REPS1: variants seen among roughly 807,000 people sequenced by gnomAD.
REPS1 encodes ralBP1-associated Eps domain-containing protein 1.
A neutral mutation model predicts 100.9 loss-of-function variants in REPS1; 39 were observed. The ratio of observed to expected loss-of-function variants is 0.39; its 90% confidence interval spans 0.30 to 0.50. The LOEUF is 0.50. Ranked by LOEUF, REPS1 falls within the 20% of genes least tolerant of loss-of-function variation. The probability of loss-of-function intolerance (pLI) is 0.86; values close to 1 mark genes in which losing one functional copy is unlikely to be tolerated. For synonymous variants in REPS1, 324 were observed against 340.3 expected (o/e 0.95, Z 0.53); for missense variants, 821 against 968.5 (o/e 0.85, Z 2.02).
chr6:138,982,608 T>A (rs1785016130), intron 1 of REPS1, among the ~76,000 whole-genome samples: 1 of 152,234 alleles, frequency 6.6e-6, no homozygotes. Context: ...ACACTGAATA[T>A]TTTCTTGCTC....
chr6:138,971,349 G>T (rs1784333695), intron 1 of REPS1, among the ~76,000 whole-genome samples: 1 of 152,126 alleles, frequency 6.6e-6, no homozygotes, highest in South Asian at 2.1e-4. Flanking sequence ...TAGGGAATGT[G>T]TGAAATCCTG....
chr6:138,980,729 A>G (rs1250001938), intron 1 of REPS1, among the ~76,000 whole-genome samples: 8 of 108,424 alleles, frequency 7.4e-5, no homozygotes, highest in Admixed American at 4.8e-4. Context: ...CCCAGGCTGG[A>G]GTGCAATGAC....
chr6:138,918,377 A>G (rs968984878), intron 12 of REPS1, among the ~76,000 whole-genome samples: 5 of 152,238 alleles, frequency 3.3e-5, no homozygotes, highest in Non-Finnish European at 7.3e-5. Flanking sequence ...AGAGCTGAGC[A>G]TTCACAGATT....
intron 8 of REPS1, among the ~76,000 whole-genome samples, chr6:138,930,419 C>T (rs1781417714): frequency 6.6e-6 from 1 of 152,092 alleles, no homozygotes; most frequent in South Asian, 2.1e-4. Flanking sequence ...ATACCAGTTT[C>T]CCAAAGTGTA....
At chr6:138,929,647 A>G (rs1163909454) in intron 9 of REPS1, 1 of 188,472 alleles carries the variant, frequency 5.3e-6, no homozygotes, top group Non-Finnish European at 1.1e-5. Context: ...CTAGATATCA[A>G]AGGACTTACG....
At chr6:138,981,054 G>A (rs1418971097) in intron 1 of REPS1, among the ~76,000 whole-genome samples, 1 of 152,204 alleles carries the variant, frequency 6.6e-6, no homozygotes, top group African/African-American at 2.4e-5. Flanking sequence ...AAGTCCATAA[G>A]ATGAGCTTGA....
In REPS1 at chr6:138,921,155, T is replaced by A. The variant is rs370134130; in HGVS notation, c.1339-31A>T. 5.2e-5 allele frequency: 73 copies of A among 1,403,056 alleles called. No individual in the cohort carries two copies. In the African/African-American group the frequency reaches 7.2e-4, roughly 14 times the overall value. The allele number at this position is 1,403,056 out of a possible 1,614,324, so 86.9% of individuals were successfully genotyped here. A position where few individuals can be genotyped will look rare whatever the true frequency, so the allele number is the denominator to read the frequency against. On this transcript the variant is annotated intron_variant, in intron 10 of 19. Coordinates refer to ENST00000450536, the MANE Select transcript of REPS1 (RefSeq NM_001286611.2). The stretch of plus-strand genomic sequence containing the variant: ...GACAAATGGGAGGAAATAAAGAATT[T>A]GTATTAAAATGTCAAGCTAATGCCA...
At chr6:138,922,897 CTCTCT>C (rs1240590901) in intron 10 of REPS1, among the ~76,000 whole-genome samples, 3 of 152,182 alleles carry the variant, frequency 2.0e-5, no homozygotes, top group Non-Finnish European at 4.4e-5. Flanking sequence ...CCAGCATACC[CTCTCT>C]TATCTGACAT....
At chr6:138,944,044 A>G (rs1354446136) in intron 5 of REPS1, 29 bp from the exon 6 acceptor site, 1 of 1,603,692 alleles carries the variant, frequency 6.2e-7, no homozygotes, top group South Asian at 1.1e-5. Flanking sequence ...TCCTCAGTAC[A>G]ATATCTACCT....
intron 13 of REPS1, 136 bp from the exon 14 acceptor site, chr6:138,916,112 T>C (rs1562515710): frequency 7.0e-6 from 5 of 715,578 alleles, no homozygotes; most frequent in South Asian, 3.1e-5. Flanking sequence ...ATGTAAGTGT[T>C]ACAATAAATT....
intron 1 of REPS1, among the ~76,000 whole-genome samples, chr6:138,975,785 G>T (rs1254587541): frequency 1.3e-5 from 2 of 152,152 alleles, no homozygotes; most frequent in Non-Finnish European, 2.9e-5. Flanking sequence ...AGTGAGTCGA[G>T]ATTGTGCCAT....
chr6:138,965,172 A>G (rs1038006574), intron 1 of REPS1, among the ~76,000 whole-genome samples: 7 of 152,132 alleles, frequency 4.6e-5, no homozygotes, highest in Non-Finnish European at 1.0e-4. Context: ...TACTGCTCAT[A>G]ATCAGTCTCA....
chr6:138,912,168 T>A (rs1388983407), intron 16 of REPS1, among the ~76,000 whole-genome samples: 1 of 152,204 alleles, frequency 6.6e-6, no homozygotes, highest in Non-Finnish European at 1.5e-5. Context: ...CAACTCCACA[T>A]TTATGCTCAG....
Position 138,945,317 on chromosome 6 carries a change from G to A in REPS1, c.530C>T (p.Thr177Ile), listed in dbSNP as rs759111989. ...PQQSPPTSPH[T>I]WRKHSRHPSG... is the part of the protein sequence containing the mutation. ...GGGATGACGGCTGTGCTTCCTCCAT[G>A]TGTGTGGAGAAGTTGGTGGGGATTG... Residue 177 changes from threonine to isoleucine, a missense_variant, in exon 4 of 20, where the codon ACA (threonine) becomes ATA (isoleucine). Physicochemically the swap from Thr to Ile is moderately conservative, Grantham distance 89. Transcript: ENST00000450536. 5.8e-5 allele frequency: 94 copies of A among 1,612,336 alleles called. No individual in the cohort carries two copies. The highest frequency in any genetic ancestry group is 7.8e-5 in the Non-Finnish European group (92 of 1,179,586).
chr6:138,914,027 A>C (rs1228672175), intron 15 of REPS1, among the ~76,000 whole-genome samples: 2 of 152,140 alleles, frequency 1.3e-5, no homozygotes, highest in Non-Finnish European at 1.5e-5. Context: ...TCCTTAACTC[A>C]TGTGGTAAAC....
intron 19 of REPS1, 54 bp downstream of exon 19, chr6:138,907,441 T>C: frequency 1.6e-6 from 2 of 1,264,920 alleles, no homozygotes; most frequent in Non-Finnish European, 2.3e-6. Flanking sequence ...TTCCTTCTCT[T>C]TAGGTTTCTT....
At chr6:138,917,107 T>C (rs999717070) in intron 13 of REPS1, among the ~76,000 whole-genome samples, 2 of 152,186 alleles carry the variant, frequency 1.3e-5, no homozygotes, top group Non-Finnish European at 2.9e-5. Context: ...TCTAGCCTCC[T>C]CCACCCTATC....
chr6:138,957,171 T>C (rs565807994), intron 1 of REPS1, among the ~76,000 whole-genome samples: 1 of 152,092 alleles, frequency 6.6e-6, no homozygotes, highest in African/African-American at 2.4e-5. Flanking sequence ...GTTTTAAAGA[T>C]TGTGAAGATC....
At chr6:138,945,196 C>CT in intron 4 of REPS1, 23 bp downstream of exon 4, 4 of 1,579,926 alleles carry the variant, frequency 2.5e-6, no homozygotes, top group Non-Finnish European at 3.4e-6. Flanking sequence ...CAATGACACT[C>CT]TAATCAATCA....
Sources: gnomAD v4.1 joint callset for allele counts (sites outside exome capture counted in the v4.1 genomes callset) on GRCh38, gnomAD v4.1.1 for gene constraint, MANE v1.5 for transcripts, NCBI Gene and HGNC (gene_info 2026-07-23, HGNC 2026-07-21) for gene names.